The following KIF13A variants were observed in gnomAD, a reference collection of about 807,000 sequenced individuals.
The protein encoded by KIF13A is kinesin family member 13A.
KIF13A carries 79 observed loss-of-function variants against 212.2 expected under a neutral mutation model. The observed-to-expected ratio is 0.37, with a 90% confidence interval of 0.31 to 0.45. KIF13A has a LOEUF of 0.45. Among genes scored for constraint, KIF13A ranks in the 20% least tolerant of loss-of-function variants. The probability of loss-of-function intolerance (pLI) is 1.00; values close to 1 mark genes in which losing one functional copy is unlikely to be tolerated. For missense variants in KIF13A, 1,901 were observed against 2,209.0 expected, an observed-to-expected ratio of 0.86 and a Z score of 2.79; for synonymous variants, 789 against 808.6, an observed-to-expected ratio of 0.98 and a Z score of 0.41.
In KIF13A at chr6:17,805,495, A is replaced by G; in HGVS notation, c.2284T>C (p.Trp762Arg). 6.2e-7 allele frequency: 1 copy of G among 1,613,152 alleles called. No individual in the cohort carries two copies. Among genetic ancestry groups the G allele is most frequent in the Non-Finnish European group, 8.5e-7 (1 of 1,179,726 alleles). The stretch of plus-strand genomic sequence containing the variant: ...TTTACCTCAGGAACTTTTTCCTTCC[A>G]TTCTTGGTAAAGGTCTCTCATGTCA... ...LIDMRDLYQE[W>R]KEKVPEAKRL... Residue 762 changes from tryptophan (W) to arginine (R), a missense_variant, in exon 19 of 39, where the codon TGG becomes CGG. Trp to Arg is a moderately radical substitution (Grantham distance 101). This residue lies in a region of KIF13A where 534 missense variants were observed against 536.9 expected (regional missense o/e 0.99). Transcript: ENST00000259711.
In KIF13A at chr6:17,831,148, G is replaced by C. The variant is rs745739374; in HGVS notation, c.1354C>G (p.Leu452Val). 6.2e-7 allele frequency: 1 copy of C among 1,613,864 alleles called. No homozygotes were observed. Among genetic ancestry groups the C allele is most frequent in the South Asian group, 1.1e-5 (1 of 91,068 alleles). ...TCGTTAAGAGCAGGGTCTGCATTCA[G>C]ATTGACTAAGTAGCATTTGTCATCC... ...VGDDKCYLVN[L>V]NADPALNELL... The change falls in exon 13 of 39, where the codon CTG (leucine) becomes GTG (valine). Residue 452 changes from leucine to valine, a missense_variant. Leu to Val is a conservative substitution (Grantham distance 32, BLOSUM62 1). Transcript: ENST00000259711.
intron 2 of KIF13A, among the ~76,000 whole-genome samples, chr6:17,942,979 A>AAAAAAC (rs920729059): frequency 1.3e-4 from 20 of 152,262 alleles, no homozygotes; most frequent in African/African-American, 1.4e-4. Context: ...ACTCTGTCTC[A>AAAAAAC]AAAAACAAAA....
In KIF13A at chr6:17,809,028, TC is replaced by T; in HGVS notation, c.2001-99del. 8.9e-7 allele frequency: 1 copy of T among 1,122,442 alleles called. No homozygotes were observed. Among genetic ancestry groups the T allele is most frequent in the South Asian group, 1.7e-5 (1 of 59,142 alleles). 69.5% of individuals were successfully genotyped at this position (1,122,442 alleles called of 1,614,324 possible). On this transcript the variant is annotated intron_variant, in intron 17 of 38. Coordinates refer to ENST00000259711, the MANE Select transcript of KIF13A (RefSeq NM_022113.6). The surrounding 1 kb of genome is among the most constrained non-coding windows in gnomAD (Gnocchi z 4.7). ...ATTAGAAAATGGGAGAAAACTCCTCTCGGGCAGTATTTTTCAAACTATTTTA... is the reference window on the plus strand; with the variant it reads ...ATTAGAAAATGGGAGAAAACTCCTCTGGGCAGTATTTTTCAAACTATTTTA...
In KIF13A at chr6:17,873,394, T is replaced by C; in HGVS notation, c.203A>G (p.Asn68Ser). 1 of 1,596,864 alleles carries C rather than the reference T, an allele frequency of 6.3e-7. No individual in the cohort carries two copies. The highest frequency in any genetic ancestry group is 1.7e-5 in the Admixed American group (1 of 57,674). Residue 68 changes from asparagine to serine, a missense_variant, in exon 4 of 39, where the codon AAC (asparagine) becomes AGC (serine). This residue lies in a region of KIF13A where 506 missense variants were observed against 637.4 expected (regional missense o/e 0.79). Coordinates refer to ENST00000259711, the MANE Select transcript of KIF13A (RefSeq NM_022113.6). ...AAACTTACCAGCGTATTTTGTAGTG[T>C]TAGATTCATCCATGGACCAAAAGCA... ...DYCFWSMDESNTTKYAGQEVV... is the reference protein window; with the variant it reads ...DYCFWSMDESSTTKYAGQEVV...
rs1761838619 is a variant in KIF13A, at chr6:17,794,151, G to A, written c.3222+98C>T. On this transcript the variant is annotated intron_variant, in intron 25 of 38. Transcript: ENST00000259711. This position sits in a 1 kb window ranked among gnomAD's most constrained non-coding sequence, Gnocchi z 4.1. ...AATGTGAACTGGGGGAAGATCTACG[G>A]TTAAGGCAAAGAGTTCTGTTATATT... 1 of 924,708 alleles carries A rather than the reference G, an allele frequency of 1.1e-6. No homozygotes were observed. The highest frequency in any genetic ancestry group is 2.4e-5 in the East Asian group (1 of 40,978). The allele number at this position is 924,708 out of a possible 1,614,324, so 57.3% of individuals were successfully genotyped here. A position where few individuals can be genotyped will look rare whatever the true frequency, so the allele number is the denominator to read the frequency against.
intron 2 of KIF13A, among the ~76,000 whole-genome samples, chr6:17,966,081 C>A (rs1779282054): frequency 6.6e-6 from 1 of 152,108 alleles, no homozygotes. Flanking sequence ...ATAATTCCAG[C>A]TAGTGAGGAG....
chr6:17,955,124 C>G (rs1778242588), intron 2 of KIF13A, among the ~76,000 whole-genome samples: 1 of 152,160 alleles, frequency 6.6e-6, no homozygotes, highest in South Asian at 2.1e-4. Flanking sequence ...GCCACGGCAC[C>G]TGGCCTACAA....
chr6:17,788,807 C>T (rs538111261), intron 26 of KIF13A, among the ~76,000 whole-genome samples: 1 of 152,288 alleles, frequency 6.6e-6, no homozygotes, highest in South Asian at 2.1e-4. Context: ...TCACTGCAAC[C>T]TCTGCCTCCT....
chr6:17,861,294 T>C (rs779628632), intron 4 of KIF13A, among the ~76,000 whole-genome samples: 77 of 152,186 alleles, frequency 5.1e-4, no homozygotes, highest in Non-Finnish European at 1.6e-4. Context: ...GCTTTGTGTC[T>C]CAAAGACAAT....
rs180975231 is a variant in KIF13A at position 17,787,539 on chromosome 6, T to C, written c.3361+237A>G. ...GGTAGCTTGTGCCTGTGGTCTCAGCTACTCAGGAGGCTGAGGCAGGAGGAT... is the reference window on the plus strand; with the variant it reads ...GGTAGCTTGTGCCTGTGGTCTCAGCCACTCAGGAGGCTGAGGCAGGAGGAT... On this transcript the variant is annotated intron_variant, in intron 27 of 38. Transcript: ENST00000259711. The surrounding 1 kb of genome is among the most constrained non-coding windows in gnomAD (Gnocchi z 4.6). Among the ~76,000 whole-genome samples, 201 of 152,198 alleles carry C rather than the reference T, an allele frequency of 1.3e-3. No homozygotes were observed. The highest frequency in any genetic ancestry group is 4.6e-3 in the African/African-American group (192 of 41,524).
At chr6:17,908,487 C>G (rs1773727234) in intron 2 of KIF13A, among the ~76,000 whole-genome samples, 1 of 151,948 alleles carries the variant, frequency 6.6e-6, no homozygotes, top group South Asian at 2.1e-4. Flanking sequence ...GCCTATAGTC[C>G]CAGCTATTCA....
At chr6:17,986,048 A>G (rs981324304) in intron 2 of KIF13A, among the ~76,000 whole-genome samples, 1 of 152,256 alleles carries the variant, frequency 6.6e-6, no homozygotes, top group African/African-American at 2.4e-5. Flanking sequence ...TCTCTAAGCA[A>G]TAATGTCACA....
In KIF13A at chr6:17,855,358, T is replaced by C. The variant is rs1208363190; in HGVS notation, c.494+79A>G. 9.0e-7 allele frequency: 1 copy of C among 1,112,968 alleles called. No homozygotes were observed. The highest frequency in any genetic ancestry group is 1.3e-6 in the Non-Finnish European group (1 of 773,346). The allele number at this position is 1,112,968 out of a possible 1,614,324, so 68.9% of individuals were successfully genotyped here. A position where few individuals can be genotyped will look rare whatever the true frequency, so the allele number is the denominator to read the frequency against. On this transcript the variant is annotated intron_variant, in intron 6 of 38. Transcript: ENST00000259711. The surrounding 1 kb of genome is among the most constrained non-coding windows in gnomAD (Gnocchi z 4.1). ...GTCACCAAGAGCTTAAATACGTATA[T>C]TCACTTCCAATTTTAACTTTAGAAT...
At chr6:17,865,766 T>C (rs970370551) in intron 4 of KIF13A, among the ~76,000 whole-genome samples, 1 of 152,144 alleles carries the variant, frequency 6.6e-6, no homozygotes. Flanking sequence ...AGGTGCCTGG[T>C]AAGAAGATCC....
At chr6:17,930,860 G>T (rs911970679) in intron 2 of KIF13A, among the ~76,000 whole-genome samples, 1 of 152,158 alleles carries the variant, frequency 6.6e-6, no homozygotes, top group Non-Finnish European at 1.5e-5. Flanking sequence ...ACAGAATACG[G>T]TTTACACAAG....
chr6:17,807,378 G>A (rs562361164), intron 18 of KIF13A, among the ~76,000 whole-genome samples: 3 of 151,866 alleles, frequency 2.0e-5, no homozygotes, highest in South Asian at 2.1e-4. Context: ...GTCTATAAAC[G>A]GCCGCTCTGG....
rs991293428 is a variant in KIF13A at position 17,892,044 on chromosome 6, C to T, written c.159+6124G>A. Among the ~76,000 whole-genome samples, 15 of 152,164 alleles carry T rather than the reference C, an allele frequency of 9.9e-5. No individual in the cohort carries two copies. The highest frequency in any genetic ancestry group is 3.4e-4 in the African/African-American group (14 of 41,438). ...TTACCTGATCTTTGTAAGGCAGAGTCGGCAAATTCGTATCACCTGCTAAGC... is the reference window on the plus strand; with the variant it reads ...TTACCTGATCTTTGTAAGGCAGAGTTGGCAAATTCGTATCACCTGCTAAGC... On this transcript the variant is annotated intron_variant, in intron 3 of 38. Coordinates refer to ENST00000259711, the MANE Select transcript of KIF13A (RefSeq NM_022113.6). This position sits in a 1 kb window ranked among gnomAD's most constrained non-coding sequence, Gnocchi z 4.7.
At position 17,794,607 on chromosome 6, in the gene KIF13A, C is replaced by A. The variant is rs1490380826; in HGVS notation, c.3040G>T (p.Asp1014Tyr). The A allele has an allele frequency of 1.2e-6, 2 of 1,613,302 alleles. No homozygotes were observed. Among genetic ancestry groups the A allele is most frequent in the Admixed American group, 1.7e-5 (1 of 59,858 alleles). Residue 1014 changes from aspartate to tyrosine, a missense_variant, in exon 24 of 39, where the codon GAT (aspartate) becomes TAT (tyrosine). By Grantham distance (160) the Asp-to-Tyr change is radical. This residue lies in a region of KIF13A where 168 missense variants were observed against 250.9 expected (regional missense o/e 0.67). Coordinates refer to ENST00000259711, the MANE Select transcript of KIF13A (RefSeq NM_022113.6). This position sits in a 1 kb window ranked among gnomAD's most constrained non-coding sequence, Gnocchi z 4.1. ...TGAAAGATGCCTCCTGTGTTGACAT[C>A]TTTTGCCTGATGAAGTTCCACTGCA... ...YAAVELHQAK[D>Y]VNTGGIFQLR...
At chr6:17,928,086 C>A (rs1258810990) in intron 2 of KIF13A, among the ~76,000 whole-genome samples, 1 of 152,156 alleles carries the variant, frequency 6.6e-6, no homozygotes, top group Non-Finnish European at 1.5e-5. Flanking sequence ...AGACCTCCTG[C>A]AGAAATTTAG....
Sources: allele counts gnomAD v4.1 joint callset (sites outside exome capture counted in the v4.1 genomes callset), GRCh38; gene constraint gnomAD v4.1.1; regional missense constraint gnomAD v4.1.1; non-coding constraint Gnocchi (gnomAD v3.1); transcripts MANE v1.5; gene names NCBI Gene and HGNC (gene_info 2026-07-23, HGNC 2026-07-21).